MAF: variants seen among roughly 807,000 people sequenced by gnomAD.
MAF encodes MAF bZIP transcription factor.
A neutral mutation model predicts 22.0 loss-of-function variants in MAF; 10 were observed. That is an observed-to-expected ratio of 0.45 (90% CI 0.28 to 0.77). The LOEUF (loss-of-function observed/expected upper bound fraction) is 0.77. Among genes scored for constraint, MAF ranks in the 30% least tolerant of loss-of-function variants. The pLI is 0.12. For synonymous variants in MAF, 337 were observed against 255.8 expected (o/e 1.32, Z -3.03); for missense variants, 544 against 548.4 (o/e 0.99, Z 0.08).
chr16:79,567,953 G>C, the MAF span, among the ~76,000 whole-genome samples: 2 of 152,222 alleles, frequency 1.3e-5, no homozygotes, highest in East Asian at 1.9e-4. Flanking sequence ...AAAGAGGCAG[G>C]TTGGCCTTCT....
the MAF span, among the ~76,000 whole-genome samples, chr16:79,507,577 A>T: frequency 6.6e-6 from 1 of 151,434 alleles, no homozygotes; most frequent in Non-Finnish European, 1.5e-5. Context: ...GGCGCCCACC[A>T]CCATGCCTGG....
At chr16:79,586,166 C>G (rs1421665209) in intron 1 of MAF, among the ~76,000 whole-genome samples, 1 of 152,204 alleles carries the variant, frequency 6.6e-6, no homozygotes, top group Admixed American at 6.5e-5. Flanking sequence ...AGTTCACTCC[C>G]TCTGAACTAC....
chr16:79,434,956 A>G, the MAF span, among the ~76,000 whole-genome samples: 1 of 152,156 alleles, frequency 6.6e-6, no homozygotes, highest in African/African-American at 2.4e-5. Context: ...ATGGTCTGCG[A>G]CTGGTGATGA....
At chr16:79,595,715 C>A in intron 1 of MAF, 2 of 1,057,560 alleles carry the variant, frequency 1.9e-6, no homozygotes, top group Non-Finnish European at 2.3e-6. Context: ...GCCTATATTC[C>A]ACACAGGTAT....
chr16:79,517,766 G>C, the MAF span, among the ~76,000 whole-genome samples: 2 of 152,082 alleles, frequency 1.3e-5, no homozygotes, highest in Admixed American at 6.5e-5. Context: ...GTAGAGACAG[G>C]GTTTCACCAT....
the MAF span, among the ~76,000 whole-genome samples, chr16:79,321,736 T>C: frequency 0.2 from 28,435 of 145,060 alleles, 3,238 homozygotes; most frequent in African/African-American, 0.33. Flanking sequence ...CTGCAAGCTC[T>C]GCCTCCCAGG....
downstream of MAF, among the ~76,000 whole-genome samples, chr16:79,585,065 T>C: frequency 6.6e-6 from 1 of 152,094 alleles, no homozygotes; most frequent in Non-Finnish European, 1.5e-5. Flanking sequence ...AATTTTTAAT[T>C]AAAAAAATCA....
At chr16:79,305,812 G>C in the MAF span, among the ~76,000 whole-genome samples, 2 of 152,180 alleles carry the variant, frequency 1.3e-5, no homozygotes, top group South Asian at 4.1e-4. Flanking sequence ...ACGAAATAGG[G>C]ATTCAAGGCA....
the MAF span, among the ~76,000 whole-genome samples, chr16:79,492,312 A>G: frequency 6.6e-6 from 1 of 152,208 alleles, no homozygotes; most frequent in East Asian, 1.9e-4. Context: ...GGGAGCACCA[A>G]CCAAAATTCA....
chr16:79,213,695 TAGTTAGACATGTA>T, the MAF span, among the ~76,000 whole-genome samples: 2 of 152,184 alleles, frequency 1.3e-5, no homozygotes, highest in African/African-American at 4.8e-5. Flanking sequence ...AGCAGTTAGT[TAGTTAGACATGTA>T]AGTGAGGCCA....
chr16:79,462,748 C>T, the MAF span, among the ~76,000 whole-genome samples: 3 of 152,172 alleles, frequency 2.0e-5, no homozygotes, highest in Non-Finnish European at 1.5e-5. Context: ...GCCTTTGGAC[C>T]TATACCTACA....
At chr16:79,345,625 G>A in the MAF span, among the ~76,000 whole-genome samples, 1 of 150,538 alleles carries the variant, frequency 6.6e-6, no homozygotes, top group Non-Finnish European at 1.5e-5. Context: ...CTACTCAGGA[G>A]GCTGAGGCAG....
the MAF span, among the ~76,000 whole-genome samples, chr16:79,323,147 TAAAAAAAAA>T: frequency 7.0e-4 from 14 of 19,870 alleles, 1 homozygote; most frequent in African/African-American, 1.3e-3. Flanking sequence ...AGACTCCATC[TAAAAAAAAA>T]AAAAAAAAAA....
chr16:79,431,155 T>C, the MAF span, among the ~76,000 whole-genome samples: 1 of 152,192 alleles, frequency 6.6e-6, no homozygotes, highest in East Asian at 1.9e-4. Context: ...TGGATTTCCA[T>C]CCTCACCCCA....
the MAF span, among the ~76,000 whole-genome samples, chr16:79,490,097 G>A: frequency 6.6e-6 from 1 of 152,188 alleles, no homozygotes; most frequent in Non-Finnish European, 1.5e-5. Context: ...AGTGGTCCAG[G>A]AGGCAGTTAT....
chr16:79,275,166 G>C, the MAF span, among the ~76,000 whole-genome samples: 1,072 of 152,118 alleles, frequency 7.0e-3, 14 homozygotes, highest in African/African-American at 0.024. Flanking sequence ...GACCAGCTTG[G>C]CCAACATGGT....
At chr16:79,302,792 C>T in the MAF span, among the ~76,000 whole-genome samples, 1 of 152,244 alleles carries the variant, frequency 6.6e-6, no homozygotes, top group Admixed American at 6.5e-5. Context: ...AGTCATCCAC[C>T]ATGCTTTCAG....
chr16:79,554,862 T>C, the MAF span, among the ~76,000 whole-genome samples: 1 of 152,146 alleles, frequency 6.6e-6, no homozygotes, highest in Admixed American at 6.5e-5. Context: ...TCTGCGTGAT[T>C]TTTCCTGTTT....
At chr16:79,468,686 G>A in the MAF span, among the ~76,000 whole-genome samples, 6 of 152,170 alleles carry the variant, frequency 3.9e-5, no homozygotes, top group African/African-American at 1.4e-4. Flanking sequence ...GCAGACAGTG[G>A]TAACGTGGCC....
Sources: allele counts gnomAD v4.1 joint callset (sites outside exome capture counted in the v4.1 genomes callset), GRCh38; gene constraint gnomAD v4.1.1; transcripts MANE v1.5; gene names NCBI Gene and HGNC (gene_info 2026-07-23, HGNC 2026-07-21).